Variants in ADCY5 observed in about 807,000 individuals in gnomAD.
ADCY5 encodes adenylate cyclase type 5.
In ADCY5, 30 loss-of-function variants were observed where a neutral mutation model predicts 119.7. The observed-to-expected ratio is 0.25, with a 90% confidence interval of 0.19 to 0.34. The LOEUF (loss-of-function observed/expected upper bound fraction) is 0.34. ADCY5 is among the 10% of genes least tolerant of loss of function. The pLI is 1.00. For missense variants in ADCY5, 1,324 were observed against 1,775.2 expected, an observed-to-expected ratio of 0.75 and a Z score of 4.57; for synonymous variants, 753 against 762.2, an observed-to-expected ratio of 0.99 and a Z score of 0.20.
At chr3:123,327,996 C>T (rs545637786) in intron 6 of ADCY5, among the ~76,000 whole-genome samples, 10 of 152,220 alleles carry the variant, frequency 6.6e-5, no homozygotes, top group South Asian at 2.1e-4. Flanking sequence ...CAGACCACTA[C>T]ATTAGCTTGC....
intron 17 of ADCY5, among the ~76,000 whole-genome samples, chr3:123,294,264 T>C (rs560148235): frequency 9.2e-5 from 14 of 152,256 alleles, no homozygotes; most frequent in African/African-American, 3.4e-4. Flanking sequence ...ATCGGGCATT[T>C]CCACAGCAGG....
At chr3:123,401,900 T>A (rs867947172) in intron 1 of ADCY5, among the ~76,000 whole-genome samples, 1 of 152,262 alleles carries the variant, frequency 6.6e-6, no homozygotes, top group Middle Eastern at 3.4e-3. Context: ...ACGGTGCCTG[T>A]CCCTGCAGAA....
At chr3:123,355,244 A>G (rs944264150) in intron 1 of ADCY5, among the ~76,000 whole-genome samples, 1 of 152,264 alleles carries the variant, frequency 6.6e-6, no homozygotes, top group African/African-American at 2.4e-5. Context: ...TTAATATGCA[A>G]GTTTAGAAAA....
rs777221271 is a variant in ADCY5, at chr3:123,330,882, C to A, written c.1646+7G>T. On this transcript the variant is annotated splice_region_variant and intron_variant, in intron 5 of 20. Coordinates refer to ENST00000462833, the MANE Select transcript of ADCY5 (RefSeq NM_183357.3). ...AGGGAGACGGTACCCGGGGGGTGGA[C>A]ACTTACGAGATGGCCTCGATCATGT... 3 of 1,606,734 alleles carry A rather than the reference C, an allele frequency of 1.9e-6. No homozygotes were observed. Among genetic ancestry groups the A allele is most frequent in the Non-Finnish European group, 1.7e-6 (2 of 1,176,494 alleles).
intron 3 of ADCY5, among the ~76,000 whole-genome samples, chr3:123,343,878 A>G (rs1322811679): frequency 6.6e-6 from 1 of 152,090 alleles, no homozygotes; most frequent in Non-Finnish European, 1.5e-5. Context: ...AAACATTTCC[A>G]TTTGTCACCA....
intron 1 of ADCY5, among the ~76,000 whole-genome samples, chr3:123,356,150 G>A (rs1308611003): frequency 1.3e-5 from 2 of 152,098 alleles, no homozygotes; most frequent in South Asian, 2.1e-4. Flanking sequence ...AAATTCACTC[G>A]AAGTGAATCA....
At chr3:123,412,169 C>G (rs1260877806) in intron 1 of ADCY5, among the ~76,000 whole-genome samples, 1 of 152,148 alleles carries the variant, frequency 6.6e-6, no homozygotes, top group Non-Finnish European at 1.5e-5. Context: ...GCTTCCTGAC[C>G]ACAAGGGGCA....
At chr3:123,309,465 A>G (rs990227565) in intron 12 of ADCY5, among the ~76,000 whole-genome samples, 1 of 152,096 alleles carries the variant, frequency 6.6e-6, no homozygotes, top group Non-Finnish European at 1.5e-5. Context: ...AGTAAAAACC[A>G]CCTGGGTTTA....
chr3:123,447,971 T>A lies in ADCY5; in HGVS notation c.575A>T (p.Asp192Val). ...GCCGGGCCCCGCGCCCGAGCCCGAGTCCGCCGAGCTGCCGCCATCCCCGGA... is the reference window on the plus strand; with the variant it reads ...GCCGGGCCCCGCGCCCGAGCCCGAGACCGCCGAGCTGCCGCCATCCCCGGA... ...EGSGDGGSSA[D>V]SGSGAGPGAV... is the part of the protein sequence containing the mutation. Residue 192 changes from aspartate (D) to valine (V), a missense_variant, in exon 1 of 21, where the codon GAC becomes GTC. Physicochemically the swap from Asp to Val is radical, Grantham distance 152. This residue lies in a region of ADCY5 where 585 missense variants were observed against 569.9 expected (regional missense o/e 1.03). Transcript: ENST00000462833. The A allele has an allele frequency of 6.9e-7, 1 of 1,445,558 alleles. No individual in the cohort carries two copies. The highest frequency in any genetic ancestry group is 9.1e-7 in the Non-Finnish European group (1 of 1,099,714). The allele number at this position is 1,445,558 out of a possible 1,614,324, so 89.5% of individuals were successfully genotyped here.
chr3:123,443,960 C>A (rs1406794162), intron 1 of ADCY5, among the ~76,000 whole-genome samples: 2 of 152,194 alleles, frequency 1.3e-5, no homozygotes, highest in Non-Finnish European at 2.9e-5. Context: ...ACCACCCCAC[C>A]CCACAGGGCA....
chr3:123,284,162 T>C lies in ADCY5; in HGVS notation c.*446A>G, dbSNP rs1938572933. 6.1e-6 allele frequency: 1 copy of C among 163,540 alleles called. No individual in the cohort carries two copies. The highest frequency in any genetic ancestry group is 1.7e-4 in the South Asian group (1 of 5,734). 10.1% of individuals were successfully genotyped at this position (163,540 alleles called of 1,614,324 possible). Reference sequence around the variant, plus strand: ...GCAGGGTGGTGGCCTGTCTGAAGTTTAAAGGCTCACATAGAAAAGCAGACC... The same window carrying C: ...GCAGGGTGGTGGCCTGTCTGAAGTTCAAAGGCTCACATAGAAAAGCAGACC... On this transcript the variant is annotated 3_prime_UTR_variant, in exon 21 of 21. Transcript: ENST00000462833.
intron 19 of ADCY5, among the ~76,000 whole-genome samples, chr3:123,288,647 T>G (rs1938940015): frequency 6.6e-6 from 1 of 152,174 alleles, no homozygotes; most frequent in African/African-American, 2.4e-5. Flanking sequence ...GTGGAACACA[T>G]GGGGAAGTGT....
intron 1 of ADCY5, among the ~76,000 whole-genome samples, chr3:123,393,630 T>G (rs1944459221): frequency 1.3e-5 from 2 of 149,798 alleles, no homozygotes; most frequent in Non-Finnish European, 2.9e-5. Context: ...CAGCGTCACA[T>G]GCGAAAGAGA....
chr3:123,306,884 T>C (rs1242063443), intron 12 of ADCY5, among the ~76,000 whole-genome samples: 1 of 152,242 alleles, frequency 6.6e-6, no homozygotes, highest in African/African-American at 2.4e-5. Flanking sequence ...AAATGTGATA[T>C]ATCCATACAC....
At chr3:123,307,712 A>G (rs985221985) in intron 12 of ADCY5, among the ~76,000 whole-genome samples, 2 of 152,116 alleles carry the variant, frequency 1.3e-5, no homozygotes, top group Non-Finnish European at 2.9e-5. Context: ...TGATCACCCC[A>G]TCCACTGATT....
At chr3:123,392,680 G>A (rs1944430265) in intron 1 of ADCY5, among the ~76,000 whole-genome samples, 1 of 151,996 alleles carries the variant, frequency 6.6e-6, no homozygotes, top group African/African-American at 2.4e-5. Context: ...CTTTCTCTCT[G>A]CATGTCTCTC....
chr3:123,383,956 A>ACGTG (rs202098922), intron 1 of ADCY5, among the ~76,000 whole-genome samples: 2 of 97,014 alleles, frequency 2.1e-5, no homozygotes, highest in Non-Finnish European at 4.2e-5. Context: ...TCTGCAAGGC[A>ACGTG]CGTGCGCGCG....
At chr3:123,326,726 C>T (rs970533111) in intron 7 of ADCY5, among the ~76,000 whole-genome samples, 2 of 152,190 alleles carry the variant, frequency 1.3e-5, no homozygotes, top group Admixed American at 1.3e-4. Context: ...TGACACAGCT[C>T]CCATGAAGGG....
intron 1 of ADCY5, among the ~76,000 whole-genome samples, chr3:123,411,068 C>T (rs1945032722): frequency 6.6e-6 from 1 of 152,146 alleles, no homozygotes; most frequent in African/African-American, 2.4e-5. Flanking sequence ...TCAGGTTTGT[C>T]AAATATGCCC....
Sources: allele counts gnomAD v4.1 joint callset (sites outside exome capture counted in the v4.1 genomes callset), GRCh38; gene constraint gnomAD v4.1.1; regional missense constraint gnomAD v4.1.1; transcripts MANE v1.5; gene names NCBI Gene and HGNC (gene_info 2026-07-23, HGNC 2026-07-21).